The following ADAMTS19 variants were observed in gnomAD, a reference collection of about 807,000 sequenced individuals.
The protein encoded by ADAMTS19 is A disintegrin and metalloproteinase with thrombospondin motifs 19.
A neutral mutation model predicts 153.3 loss-of-function variants in ADAMTS19; 93 were observed. That is an observed-to-expected ratio of 0.61 (90% CI 0.51 to 0.72). The LOEUF is 0.72. ADAMTS19 is among the 30% of genes least tolerant of loss of function. The pLI is 0.00. For synonymous variants in ADAMTS19, 600 were observed against 556.6 expected, an observed-to-expected ratio of 1.08 and a Z score of -1.10; for missense variants, 1,482 against 1,552.1, an observed-to-expected ratio of 0.95 and a Z score of 0.76.
chr5:129,709,261 T>C (rs1756324492), intron 21 of ADAMTS19, among the ~76,000 whole-genome samples: 1 of 152,160 alleles, frequency 6.6e-6, no homozygotes, highest in South Asian at 2.1e-4. Context: ...GTTTCCTTAG[T>C]TACAAATCTC....
At chr5:129,702,941 A>AAAATATATATATATATAT in intron 20 of ADAMTS19, among the ~76,000 whole-genome samples, 24 of 29,280 alleles carry the variant, frequency 8.2e-4, no homozygotes, top group African/African-American at 1.9e-3. Context: ...AAAAAAAAAA[A>AAAATATATATATATATAT]ATATATATAT....
chr5:129,714,817 C>T (rs1056479836), intron 21 of ADAMTS19, among the ~76,000 whole-genome samples: 1 of 152,142 alleles, frequency 6.6e-6, no homozygotes, highest in African/African-American at 2.4e-5. Context: ...AAAGATTTTC[C>T]TTATGAGCAC....
At chr5:129,619,112 A>T (rs911675207) in intron 8 of ADAMTS19, among the ~76,000 whole-genome samples, 10 of 152,052 alleles carry the variant, frequency 6.6e-5, no homozygotes, top group Non-Finnish European at 1.5e-4. Flanking sequence ...AAACTGCATT[A>T]ATGTTGATGA....
chr5:129,714,290 G>A (rs893075894), intron 21 of ADAMTS19, among the ~76,000 whole-genome samples: 1 of 150,508 alleles, frequency 6.6e-6, no homozygotes, highest in Admixed American at 6.6e-5. Context: ...GCGGTGGCGG[G>A]CGCCTGTAGT....
At chr5:129,655,796 T>G (rs1271837058) in intron 14 of ADAMTS19, among the ~76,000 whole-genome samples, 1 of 152,224 alleles carries the variant, frequency 6.6e-6, no homozygotes, top group African/African-American at 2.4e-5. Context: ...AGATTCCATA[T>G]TTTGCCAGTA....
chr5:129,584,600 C>T (rs4836464), intron 7 of ADAMTS19, among the ~76,000 whole-genome samples: 1 of 152,090 alleles, frequency 6.6e-6, no homozygotes, highest in South Asian at 2.1e-4. Flanking sequence ...TGCCTAGAGA[C>T]GAGGAATCTA....
intron 8 of ADAMTS19, among the ~76,000 whole-genome samples, chr5:129,598,221 T>A (rs935121587): frequency 6.6e-6 from 1 of 152,168 alleles, no homozygotes; most frequent in Non-Finnish European, 1.5e-5. Flanking sequence ...ATGGCAACCA[T>A]TCCTAGGAGC....
At position 129,460,545 on chromosome 5, in the gene ADAMTS19, C is replaced by G. The variant is rs1749612863; in HGVS notation, c.91+63C>G. On this transcript the variant is annotated intron_variant, in intron 1 of 22. Coordinates refer to ENST00000274487, the MANE Select transcript of ADAMTS19 (RefSeq NM_133638.6). Reference sequence around the variant, plus strand: ...CATCCCAGCGGAGACCGCGAACGTACGGGTCGGCAGGGCTGGTGCAACCGG... The same window carrying G: ...CATCCCAGCGGAGACCGCGAACGTAGGGGTCGGCAGGGCTGGTGCAACCGG... 19 of 1,596,702 alleles carry G rather than the reference C, an allele frequency of 1.2e-5. No individual in the cohort carries two copies. The South Asian group carries it at 2.0e-4, about 17-fold the overall frequency.
At chr5:129,668,332 G>GT (rs1754144797) in intron 16 of ADAMTS19, among the ~76,000 whole-genome samples, 2 of 152,106 alleles carry the variant, frequency 1.3e-5, no homozygotes, top group South Asian at 4.1e-4. Context: ...TAATTATCTA[G>GT]TTTGTTTGTG....
chr5:129,585,417 T>C (rs1411557974), intron 7 of ADAMTS19, among the ~76,000 whole-genome samples: 2 of 152,084 alleles, frequency 1.3e-5, no homozygotes, highest in African/African-American at 4.8e-5. Flanking sequence ...CAGTTTTCAT[T>C]TTAGGCTACA....
chr5:129,632,107 A>G (rs932407337), intron 10 of ADAMTS19, among the ~76,000 whole-genome samples: 2 of 152,044 alleles, frequency 1.3e-5, no homozygotes, highest in Non-Finnish European at 2.9e-5. Flanking sequence ...GTTGCAACTC[A>G]AATCTGCTGC....
At chr5:129,554,115 G>A (rs2126828010) in intron 7 of ADAMTS19, among the ~76,000 whole-genome samples, 1 of 152,244 alleles carries the variant, frequency 6.6e-6, no homozygotes, top group Admixed American at 6.5e-5. Context: ...GAGAGGATGT[G>A]CATAGGTTAT....
intron 8 of ADAMTS19, among the ~76,000 whole-genome samples, chr5:129,617,209 A>G (rs1341541323): frequency 6.6e-6 from 1 of 152,000 alleles, no homozygotes; most frequent in African/African-American, 2.4e-5. Flanking sequence ...GCCTGTCCCA[A>G]TTTAATGATA....
chr5:129,481,708 T>C (rs569770007), intron 2 of ADAMTS19, among the ~76,000 whole-genome samples: 2 of 152,248 alleles, frequency 1.3e-5, no homozygotes, highest in African/African-American at 4.8e-5. Flanking sequence ...TTTTGTAAAA[T>C]AGTAAAACAA....
At position 129,615,104 on chromosome 5, in the gene ADAMTS19, A is replaced by T. The variant is rs548300587; in HGVS notation, c.1479-5514A>T. Among the ~76,000 whole-genome samples, 31 of 152,206 alleles carry T rather than the reference A, an allele frequency of 2.0e-4. No individual in the cohort carries two copies. In the East Asian group the frequency reaches 3.1e-3, roughly 15 times the overall value. ...AAGAATCAGTATCGTGAAAATGGCC[A>T]TACTGCCCAAGGTAATTTATAGATT... is the stretch of plus-strand genomic sequence containing the variant. On this transcript the variant is annotated intron_variant, in intron 8 of 22. Transcript: ENST00000274487.
intron 2 of ADAMTS19, among the ~76,000 whole-genome samples, chr5:129,499,844 C>A (rs1376378838): frequency 6.6e-6 from 1 of 152,276 alleles, no homozygotes; most frequent in African/African-American, 2.4e-5. Flanking sequence ...ACTTCCCATA[C>A]ATGAAGTCTC....
chr5:129,529,713 C>T (rs143435640), intron 6 of ADAMTS19, among the ~76,000 whole-genome samples: 347 of 152,174 alleles, frequency 2.3e-3, no homozygotes, highest in Non-Finnish European at 3.8e-3. Context: ...GCTGAGGACA[C>T]CATAGATAAA....
chr5:129,514,963 G>T (rs1186724528), intron 3 of ADAMTS19, among the ~76,000 whole-genome samples: 1 of 152,034 alleles, frequency 6.6e-6, no homozygotes, highest in African/African-American at 2.4e-5. Context: ...TTTGATTTTT[G>T]TATATGGTGA....
At chr5:129,491,467 G>A (rs993689576) in intron 2 of ADAMTS19, among the ~76,000 whole-genome samples, 12 of 152,192 alleles carry the variant, frequency 7.9e-5, no homozygotes, top group African/African-American at 2.9e-4. Context: ...TTATTGGTCA[G>A]GTTGACCATC....
Sources: allele counts gnomAD v4.1 joint callset (sites outside exome capture counted in the v4.1 genomes callset), GRCh38; gene constraint gnomAD v4.1.1; transcripts MANE v1.5; gene names NCBI Gene and HGNC (gene_info 2026-07-23, HGNC 2026-07-21).